The following NAV2 variants were observed in gnomAD, a reference collection of about 807,000 sequenced individuals.
NAV2 encodes the protein neuron navigator 2.
In NAV2, 54 loss-of-function variants were observed where a neutral mutation model predicts 223.2. That is an observed-to-expected ratio of 0.24 (90% CI 0.19 to 0.30). NAV2 has a LOEUF of 0.30. Ranked by LOEUF, NAV2 falls within the 10% of genes least tolerant of loss-of-function variation. The pLI is 1.00. For synonymous variants in NAV2, 1,279 were observed against 1,239.3 expected, an observed-to-expected ratio of 1.03 and a Z score of -0.67; for missense variants, 2,806 against 3,147.5, an observed-to-expected ratio of 0.89 and a Z score of 2.60.
intron 11 of NAV2, among the ~76,000 whole-genome samples, chr11:19,988,399 T>A (rs2050994963): frequency 1.3e-5 from 2 of 150,926 alleles, no homozygotes; most frequent in African/African-American, 4.9e-5. Context: ...TTTATTAATT[T>A]AGGCGATAAG....
chr11:19,672,883 G>C (rs1009904593), intron 1 of NAV2, among the ~76,000 whole-genome samples: 1 of 152,196 alleles, frequency 6.6e-6, no homozygotes, highest in African/African-American at 2.4e-5. Flanking sequence ...GAGGCAGGCA[G>C]AGGAACAGGG....
At chr11:20,015,060 C>T (rs1261121005) in intron 11 of NAV2, among the ~76,000 whole-genome samples, 1 of 152,188 alleles carries the variant, frequency 6.6e-6, no homozygotes, top group Non-Finnish European at 1.5e-5. Flanking sequence ...TGTGTCACTG[C>T]ACTCCTGCTG....
At chr11:19,587,422 TG>T (rs1225044857) in intron 1 of NAV2, among the ~76,000 whole-genome samples, 1 of 152,180 alleles carries the variant, frequency 6.6e-6, no homozygotes, top group East Asian at 1.9e-4. Flanking sequence ...GAGATGAACC[TG>T]GTACTTCAGT....
chr11:19,759,078 A>T lies in NAV2; in HGVS notation c.267+45116A>T, dbSNP rs540597108. Reference sequence around the variant, plus strand: ...TCAGAATGAAATCATAGAACTTTGGATCTGAAAGACACTTTTTTTTTTTTT... The same window carrying T: ...TCAGAATGAAATCATAGAACTTTGGTTCTGAAAGACACTTTTTTTTTTTTT... On this transcript the variant is annotated intron_variant, in intron 1 of 37. Transcript: ENST00000349880. 3.5e-5 allele frequency among the ~76,000 whole-genome samples: 5 copies of T among 143,274 alleles called. No homozygotes were observed. In the Admixed American group the frequency reaches 3.5e-4, roughly 10 times the overall value. The allele number at this position is 143,274 out of a possible 152,430, so 94.0% of individuals were successfully genotyped here.
At chr11:19,432,901 C>T (rs1214987443) in intron 1 of NAV2, among the ~76,000 whole-genome samples, 1 of 152,176 alleles carries the variant, frequency 6.6e-6, no homozygotes. Flanking sequence ...CAAAATGCCT[C>T]AAACCCAAAC....
At chr11:19,732,467 G>A (rs937071136) in intron 1 of NAV2, among the ~76,000 whole-genome samples, 1 of 152,206 alleles carries the variant, frequency 6.6e-6, no homozygotes. Context: ...CATAGCAAGT[G>A]CCCAGAAGTG....
intron 11 of NAV2, chr11:20,023,027 G>C (rs558955808): frequency 1.3e-6 from 2 of 1,542,158 alleles, no homozygotes; most frequent in African/African-American, 2.7e-5. Context: ...GGCTGGCTCA[G>C]CTGGCTAAAG....
intron 1 of NAV2, among the ~76,000 whole-genome samples, chr11:19,781,187 C>T (rs1176253279): frequency 6.6e-6 from 1 of 152,208 alleles, no homozygotes; most frequent in Non-Finnish European, 1.5e-5. Context: ...AGAAGTGCTG[C>T]TTTGTCTGAT....
At chr11:19,460,845 G>C (rs188154055) in intron 1 of NAV2, among the ~76,000 whole-genome samples, 1 of 152,240 alleles carries the variant, frequency 6.6e-6, no homozygotes, top group African/African-American at 2.4e-5. Flanking sequence ...GATAAGTAAA[G>C]ATCTCATCTG....
chr11:20,000,644 C>T (rs2052450579), intron 11 of NAV2, among the ~76,000 whole-genome samples: 1 of 152,128 alleles, frequency 6.6e-6, no homozygotes, highest in Non-Finnish European at 1.5e-5. Context: ...GCTGGGGGAG[C>T]TAATGGGAGC....
At chr11:20,114,375 G>A in intron 36 of NAV2, 1 of 587,484 alleles carries the variant, frequency 1.7e-6, no homozygotes, top group East Asian at 2.8e-5. Flanking sequence ...TGACTCCAAA[G>A]CCTGTATTCT....
intron 1 of NAV2, among the ~76,000 whole-genome samples, chr11:19,827,815 A>G (rs560086333): frequency 1.3e-5 from 2 of 152,308 alleles, no homozygotes; most frequent in East Asian, 3.9e-4. Flanking sequence ...TTAAAGTGGG[A>G]AGTGTTTGCT....
At chr11:19,739,844 C>T (rs975611675) in intron 1 of NAV2, among the ~76,000 whole-genome samples, 3 of 152,168 alleles carry the variant, frequency 2.0e-5, no homozygotes, top group Admixed American at 6.5e-5. Flanking sequence ...CTCCAGACTT[C>T]GGCCAAGCTG....
chr11:19,966,361 G>T (rs1422555814), intron 10 of NAV2, among the ~76,000 whole-genome samples: 2 of 152,156 alleles, frequency 1.3e-5, no homozygotes. Context: ...GGAGACACAA[G>T]CCTTGTCTTT....
In NAV2 at chr11:20,103,300, G is replaced by A. The variant is rs761262579; in HGVS notation, c.6463G>A (p.Glu2155Lys). 6.2e-7 allele frequency: 1 copy of A among 1,614,204 alleles called. No homozygotes were observed. The highest frequency in any genetic ancestry group is 1.1e-5 in the South Asian group (1 of 91,082). The change falls in exon 33 of 38, where the codon GAG (glutamate) becomes AAG (lysine). Residue 2155 changes from glutamate to lysine, a missense_variant. By Grantham distance (56) the Glu-to-Lys change is moderately conservative. Transcript: ENST00000349880. ...CAACCTTGCTGACCAGTGCAACAGT[G>A]AGAACAATGCTGTGGACATGCCCCT... ...LSNLADQCNS[E>K]NNAVDMPLVI... is the part of the protein sequence containing the mutation.
In NAV2 at chr11:19,934,012, C is replaced by T. The variant is rs80062687; in HGVS notation, c.1768C>T (p.Arg590Trp). Residue 590 changes from arginine (R) to tryptophan (W), a missense_variant, in exon 7 of 38, where the codon CGG becomes TGG. By Grantham distance (101) the Arg-to-Trp change is moderately radical. Transcript: ENST00000349880. ...GCCTTCCAAGGAAGGGGAGCGGAGCCGGAGTGGGAAGCTGAGCTCAGGACT... is the reference window on the plus strand; with the variant it reads ...GCCTTCCAAGGAAGGGGAGCGGAGCTGGAGTGGGAAGCTGAGCTCAGGACT... The part of the protein sequence containing the change: ...PAPSKEGERS[R>W]SGKLSSGLPQ... 527 of 1,594,316 alleles carry T rather than the reference C, an allele frequency of 3.3e-4. 2 individuals carry two copies. In the African/African-American group the frequency reaches 5.2e-3, roughly 16 times the overall value.
At chr11:19,861,258 TGTGGAGAA>T (rs965582926) in intron 3 of NAV2, among the ~76,000 whole-genome samples, 10 of 152,158 alleles carry the variant, frequency 6.6e-5, no homozygotes, top group African/African-American at 2.2e-4. Context: ...AGAAAGAGGT[TGTGGAGAA>T]GTAAGCATGA....
At chr11:19,662,215 A>G (rs2048302950) in intron 1 of NAV2, among the ~76,000 whole-genome samples, 1 of 152,222 alleles carries the variant, frequency 6.6e-6, no homozygotes, top group Admixed American at 6.5e-5. Flanking sequence ...AAAGAATATG[A>G]GACTTCTAGT....
intron 1 of NAV2, among the ~76,000 whole-genome samples, chr11:19,466,929 CTCTT>C (rs1466791619): frequency 5.9e-5 from 9 of 152,130 alleles, no homozygotes; most frequent in South Asian, 2.1e-4. Context: ...AACTCTCTCT[CTCTT>C]TATCAGCCAT....
Sources: gnomAD v4.1 joint callset for allele counts (sites outside exome capture counted in the v4.1 genomes callset) on GRCh38, gnomAD v4.1.1 for gene constraint, MANE v1.5 for transcripts, NCBI Gene and HGNC (gene_info 2026-07-23, HGNC 2026-07-21) for gene names.